Variants in KCNT1 observed in about 807,000 individuals in gnomAD.
KCNT1 encodes the protein potassium sodium-activated channel subfamily T member 1, also known as potassium channel subfamily T member 1.
KCNT1 carries 78 observed loss-of-function variants against 147.8 expected under a neutral mutation model. That is an observed-to-expected ratio of 0.53 (90% confidence interval 0.44 to 0.64). The LOEUF is 0.64. KCNT1 is among the 30% of genes least tolerant of loss of function. The pLI is 0.00. For synonymous variants in KCNT1, 867 were observed against 748.8 expected (o/e 1.16, Z -2.58); for missense variants, 1,419 against 1,750.3 (o/e 0.81, Z 3.38).
rs937037823 is a variant in KCNT1, at chr9:135,795,127, A to G, written c.*2966A>G. On this transcript the variant is annotated 3_prime_UTR_variant, in exon 31 of 31. Transcript: ENST00000371757. Reference sequence around the variant, plus strand: ...TTTTGTTTGTTTTTATTTTCCTTATACCTAATTCATCTAACAGAAAACTGG... The same window carrying G: ...TTTTGTTTGTTTTTATTTTCCTTATGCCTAATTCATCTAACAGAAAACTGG... 2 of 152,066 alleles carry G rather than the reference A, an allele frequency of 1.3e-5. No individual in the cohort carries two copies. Among genetic ancestry groups the G allele is most frequent in the Non-Finnish European group, 2.9e-5 (2 of 68,020 alleles). The allele number at this position is 152,066 out of a possible 1,614,324, so 9.4% of individuals were successfully genotyped here.
At chr9:135,756,547 TCCCTCCCCACCAGG>T (rs1408212587) in intron 6 of KCNT1, among the ~76,000 whole-genome samples, 1 of 152,106 alleles carries the variant, frequency 6.6e-6, no homozygotes, top group Non-Finnish European at 1.5e-5. Context: ...CCATCTCCGT[TCCCTCCCCACCAGG>T]GCAGCGGGAT....
At chr9:135,785,166 G>A (rs910588042) in intron 27 of KCNT1, 144 bp from the exon 28 acceptor site, 30 of 1,284,304 alleles carry the variant, frequency 2.3e-5, no homozygotes, top group Middle Eastern at 2.6e-4. Flanking sequence ...GGAAGAATAC[G>A]GGCAGCCCCT....
rs1011957765 is a variant in KCNT1, at chr9:135,730,374, A to T, written c.254+15654A>T. ...GTAACCATGCGTGGCGAGGGGGACC[A>T]CACGTGGTGAGGGGGATTAGCAGAT... On this transcript the variant is annotated intron_variant, in intron 2 of 30. Transcript: ENST00000371757. This position sits in a 1 kb window ranked among gnomAD's most constrained non-coding sequence, Gnocchi z 4.7. Among the ~76,000 whole-genome samples the T allele has an allele frequency of 9.2e-5, 14 of 152,146 alleles. No individual in the cohort carries two copies. Among genetic ancestry groups the T allele is most frequent in the Non-Finnish European group, 2.1e-4 (14 of 68,036 alleles).
At chr9:135,746,334 A>G (rs1409277544) in intron 2 of KCNT1, among the ~76,000 whole-genome samples, 2 of 152,082 alleles carry the variant, frequency 1.3e-5, no homozygotes, top group Non-Finnish European at 2.9e-5. Context: ...CGGTGAGGGG[A>G]CCAGGGTCTG....
chr9:135,790,327 T>A (rs1329438186), intron 29 of KCNT1: 1 of 152,100 alleles, frequency 6.6e-6, no homozygotes, highest in Non-Finnish European at 1.5e-5. Context: ...CTGCACAGCC[T>A]CAGCATGAGG....
chr9:135,731,943 A>G (rs1232123033), intron 2 of KCNT1, among the ~76,000 whole-genome samples: 3 of 133,616 alleles, frequency 2.2e-5, no homozygotes, highest in Admixed American at 1.6e-4. Context: ...ATATCTAAAT[A>G]CTTTTCAAAT....
intron 2 of KCNT1, among the ~76,000 whole-genome samples, chr9:135,729,835 C>T (rs1332089856): frequency 6.6e-6 from 1 of 152,168 alleles, no homozygotes; most frequent in East Asian, 1.9e-4. Flanking sequence ...CCTGGTTGCC[C>T]GTGTCAAAGA....
At chr9:135,706,176 T>C (rs1376989996) in intron 1 of KCNT1, among the ~76,000 whole-genome samples, 1 of 152,288 alleles carries the variant, frequency 6.6e-6, no homozygotes, top group South Asian at 2.1e-4. Context: ...GCATGGACCT[T>C]ACGAGGTTGT....
intron 1 of KCNT1, among the ~76,000 whole-genome samples, chr9:135,703,852 C>T (rs1260476723): frequency 6.6e-6 from 1 of 152,200 alleles, no homozygotes; most frequent in Non-Finnish European, 1.5e-5. Context: ...ACCTGTCTCT[C>T]CCAATTGGCC....
At chr9:135,737,088 C>A (rs1588287054) in intron 2 of KCNT1, 1 of 191,380 alleles carries the variant, frequency 5.2e-6, no homozygotes, top group Non-Finnish European at 1.1e-5. Flanking sequence ...TGCCCGAGCC[C>A]TGTCCCACAG....
intron 2 of KCNT1, among the ~76,000 whole-genome samples, chr9:135,739,063 T>C (rs1406128302): frequency 6.6e-6 from 1 of 152,068 alleles, no homozygotes; most frequent in African/African-American, 2.4e-5. Flanking sequence ...CCCAGCCTCA[T>C]GCCTGACTTA....
At chr9:135,723,337 C>A (rs111619451) in intron 2 of KCNT1, among the ~76,000 whole-genome samples, 1,591 of 152,354 alleles carry the variant, frequency 0.01, 12 homozygotes, top group Middle Eastern at 0.024. Context: ...TAGAAATTGT[C>A]CTGCATCCTG....
At chr9:135,726,074 CT>C (rs1249827154) in intron 2 of KCNT1, among the ~76,000 whole-genome samples, 1 of 152,108 alleles carries the variant, frequency 6.6e-6, no homozygotes, top group African/African-American at 2.4e-5. Flanking sequence ...ACATCCTCCC[CT>C]GACCTTGATC....
At chr9:135,764,156 A>G (rs1204527526) in intron 11 of KCNT1, among the ~76,000 whole-genome samples, 2 of 152,166 alleles carry the variant, frequency 1.3e-5, no homozygotes, top group South Asian at 2.1e-4. Flanking sequence ...GCCATTGTTC[A>G]TTTAACACGT....
intron 29 of KCNT1, chr9:135,790,606 C>T (rs1300687839): frequency 2.6e-5 from 4 of 152,520 alleles, no homozygotes; most frequent in East Asian, 3.9e-4. Flanking sequence ...CCAAAGCCCC[C>T]ACTGCAGAGG....
chr9:135,753,090 ATGGAGGAATGAG>A (rs1162802567), intron 4 of KCNT1, among the ~76,000 whole-genome samples: 1 of 150,654 alleles, frequency 6.6e-6, no homozygotes, highest in African/African-American at 2.4e-5. Flanking sequence ...GAGTGGATGG[ATGGAGGAATGAG>A]TGGATGGATG....
intron 29 of KCNT1, among the ~76,000 whole-genome samples, chr9:135,787,431 C>T (rs1352361063): frequency 6.6e-6 from 1 of 152,224 alleles, no homozygotes; most frequent in Non-Finnish European, 1.5e-5. Context: ...GAGGCTCCAC[C>T]TTCCCTTTGT....
At chr9:135,718,089 G>A (rs1199700144) in intron 2 of KCNT1, among the ~76,000 whole-genome samples, 1 of 152,238 alleles carries the variant, frequency 6.6e-6, no homozygotes, top group Non-Finnish European at 1.5e-5. Flanking sequence ...CCGCTTGGAG[G>A]ACCCTCCTGG....
At chr9:135,779,609 G>T in intron 24 of KCNT1, 139 bp downstream of exon 24, 1 of 667,142 alleles carries the variant, frequency 1.5e-6, no homozygotes, top group Non-Finnish European at 2.6e-6. Context: ...AGGAGATGGC[G>T]TGGGGGGCCC....
Sources: allele counts gnomAD v4.1 joint callset (sites outside exome capture counted in the v4.1 genomes callset), GRCh38; gene constraint gnomAD v4.1.1; non-coding constraint Gnocchi (gnomAD v3.1); transcripts MANE v1.5; gene names NCBI Gene and HGNC (gene_info 2026-07-23, HGNC 2026-07-21).